KIAA1671: variants seen among roughly 807,000 people sequenced by gnomAD.
KIAA1671 encodes KIAA1671.
KIAA1671 carries 52 observed loss-of-function variants against 131.2 expected under a neutral mutation model. That is an observed-to-expected ratio of 0.40 (90% CI 0.32 to 0.50). The LOEUF is 0.50. KIAA1671 is among the 20% of genes least tolerant of loss of function. The pLI, the probability that KIAA1671 is intolerant of heterozygous loss-of-function variation, is 0.73. For synonymous variants in KIAA1671, 1,003 were observed against 961.6 expected (o/e 1.04, Z -0.80); for missense variants, 2,360 against 2,364.2 (o/e 1.00, Z 0.04).
chr22:25,040,569 A>G lies in KIAA1671; in HGVS notation c.3439A>G (p.Lys1147Glu), dbSNP rs1926860545. The G allele has an allele frequency of 1.3e-6, 2 of 1,551,762 alleles. No homozygotes were observed. Among genetic ancestry groups the G allele is most frequent in the Non-Finnish European group, 1.7e-6 (2 of 1,147,022 alleles). ...EDGPRPQSNW[K>E]ESANKMSPSG... is the part of the protein sequence containing the mutation. Reference sequence around the variant, plus strand: ...TGGCCCTCGTCCTCAAAGCAATTGGAAGGAAAGTGCGAACAAGATGTCCCC... The same window carrying G: ...TGGCCCTCGTCCTCAAAGCAATTGGGAGGAAAGTGCGAACAAGATGTCCCC... The change falls in exon 5 of 13, where the codon AAG (lysine) becomes GAG (glutamate). Residue 1147 changes from lysine (K) to glutamate (E), a missense_variant. By Grantham distance (56) the Lys-to-Glu change is moderately conservative. Coordinates refer to ENST00000358431, the MANE Select transcript of KIAA1671 (RefSeq NM_001145206.2).
At chr22:25,005,999 A>T (rs779894898) in intron 1 of KIAA1671, among the ~76,000 whole-genome samples, 2 of 152,154 alleles carry the variant, frequency 1.3e-5, no homozygotes, top group Non-Finnish European at 2.9e-5. Context: ...ACACCTGTGC[A>T]GCTAGAGCAT....
At chr22:25,033,196 G>C (rs1285364733) in intron 4 of KIAA1671, among the ~76,000 whole-genome samples, 1 of 151,784 alleles carries the variant, frequency 6.6e-6, no homozygotes, top group Non-Finnish European at 1.5e-5. Flanking sequence ...GACCAGCCTG[G>C]GCAACATAGT....
At chr22:25,071,022 T>C (rs1420585938) in intron 6 of KIAA1671, among the ~76,000 whole-genome samples, 1 of 152,212 alleles carries the variant, frequency 6.6e-6, no homozygotes, top group Non-Finnish European at 1.5e-5. Flanking sequence ...CTTTCAGGTC[T>C]CACTTTGACT....
intron 3 of KIAA1671, among the ~76,000 whole-genome samples, chr22:25,031,746 TCTCA>T (rs1181379111): frequency 6.6e-6 from 1 of 152,204 alleles, no homozygotes; most frequent in Non-Finnish European, 1.5e-5. Flanking sequence ...ATATGCTTCC[TCTCA>T]CTATGTCATG....
At chr22:25,175,164 C>G (rs1933978781) in intron 8 of KIAA1671, 1 of 152,256 alleles carries the variant, frequency 6.6e-6, no homozygotes, top group African/African-American at 2.4e-5. Context: ...CCCTGGGAGC[C>G]CCACCTCCAG....
At chr22:25,131,160 G>A (rs1032000163) in intron 6 of KIAA1671, among the ~76,000 whole-genome samples, 1 of 152,154 alleles carries the variant, frequency 6.6e-6, no homozygotes, top group Non-Finnish European at 1.5e-5. Flanking sequence ...TTAGCATTTC[G>A]TATGGTGATT....
intron 12 of KIAA1671, among the ~76,000 whole-genome samples, chr22:25,191,569 T>C (rs1333174579): frequency 2.0e-5 from 3 of 152,348 alleles, no homozygotes; most frequent in Admixed American, 2.0e-4. Flanking sequence ...CTGGTGTAAG[T>C]TGCAAATGAC....
intron 6 of KIAA1671, among the ~76,000 whole-genome samples, chr22:25,137,876 A>G (rs1424870174): frequency 1.3e-5 from 2 of 152,200 alleles, no homozygotes; most frequent in Non-Finnish European, 2.9e-5. Flanking sequence ...AGGTTAAGTG[A>G]CTTAGGCCTA....
chr22:25,039,247 C>T lies in KIAA1671; in HGVS notation c.2117C>T (p.Pro706Leu), dbSNP rs1245998705. The change falls in exon 5 of 13, where the codon CCT (proline) becomes CTT (leucine). Residue 706 changes from proline to leucine, a missense_variant. Transcript: ENST00000358431. ...CACACGCCTCTCCGGGACAAATACCCTTTGTCTGAAAACCACAATAATAAC... is the reference window on the plus strand; with the variant it reads ...CACACGCCTCTCCGGGACAAATACCTTTTGTCTGAAAACCACAATAATAAC... ...PYHTPLRDKYPLSENHNNNTF... is the reference protein window; with the variant it reads ...PYHTPLRDKYLLSENHNNNTF... 3.9e-6 allele frequency: 6 copies of T among 1,552,340 alleles called. No homozygotes were observed. Among genetic ancestry groups the T allele is most frequent in the Non-Finnish European group, 5.2e-6 (6 of 1,147,126 alleles).
intron 1 of KIAA1671, among the ~76,000 whole-genome samples, chr22:24,983,558 A>G (rs540730715): frequency 2.8e-4 from 43 of 151,016 alleles, no homozygotes; most frequent in Non-Finnish European, 5.3e-4. Flanking sequence ...TTCTCCCATT[A>G]CACTGAAGAA....
intron 8 of KIAA1671, 194 bp from the exon 9 acceptor site, chr22:25,177,154 C>T: frequency 1.7e-6 from 1 of 595,510 alleles, no homozygotes; most frequent in Non-Finnish European, 2.9e-6. Flanking sequence ...TGTCATCAGC[C>T]TATGGGGTAT....
At chr22:25,054,813 C>CT (rs1461382347) in intron 6 of KIAA1671, 1 of 149,616 alleles carries the variant, frequency 6.7e-6, no homozygotes, top group Non-Finnish European at 1.5e-5. Context: ...ACCAAAGAGT[C>CT]TGAGTTCTAA....
At chr22:25,021,911 C>T (rs955983754) in intron 1 of KIAA1671, among the ~76,000 whole-genome samples, 6 of 152,088 alleles carry the variant, frequency 3.9e-5, no homozygotes, top group African/African-American at 1.4e-4. Context: ...CTCAGCCTCC[C>T]GAGTAGCTGA....
At chr22:25,140,149 C>T (rs1020872366) in intron 6 of KIAA1671, among the ~76,000 whole-genome samples, 4 of 152,194 alleles carry the variant, frequency 2.6e-5, no homozygotes, top group Non-Finnish European at 4.4e-5. Context: ...GCTGGAGGCT[C>T]GACGGGAGAA....
At position 25,029,085 on chromosome 22, in the gene KIAA1671, G is replaced by A. The variant is rs1362066924; in HGVS notation, c.1086G>A (p.Pro362=). 6 of 1,494,628 alleles carry A rather than the reference G, an allele frequency of 4.0e-6. No homozygotes were observed. The highest frequency in any genetic ancestry group is 2.5e-5 in the East Asian group (1 of 40,506). 92.6% of individuals were successfully genotyped at this position (1,494,628 alleles called of 1,614,324 possible). ...GGAAGGAGAAGATGCTTTCGAAGCC[G>A]GAGATGGGCAGCCCCAGAGCCCTGG... ...RERKEKMLSK[P]EMGSPRALVG... The change falls in exon 3 of 13, where the codon CCG becomes CCA. Residue 362 remains proline, a synonymous_variant. Coordinates refer to ENST00000358431, the MANE Select transcript of KIAA1671 (RefSeq NM_001145206.2).
At chr22:25,006,401 A>G (rs1287580381) in intron 1 of KIAA1671, among the ~76,000 whole-genome samples, 2 of 152,078 alleles carry the variant, frequency 1.3e-5, no homozygotes, top group African/African-American at 4.8e-5. Context: ...ACCAGGACCT[A>G]CCTCCCAGGA....
Position 25,040,305 on chromosome 22 carries a change from A to C in KIAA1671, c.3175A>C (p.Thr1059Pro), listed in dbSNP as rs868783952. 34 of 1,551,136 alleles carry C rather than the reference A, an allele frequency of 2.2e-5. No homozygotes were observed. The African/African-American group carries it at 4.5e-4, about 21-fold the overall frequency. Reference sequence around the variant, plus strand: ...CTTGCTGGAACATTCTAGAAAAATCACTCCACCCTCGTCTCCTCATTCTTT... The same window carrying C: ...CTTGCTGGAACATTCTAGAAAAATCCCTCCACCCTCGTCTCCTCATTCTTT... ...ESLLEHSRKI[T>P]PPSSPHSLTS... The change falls in exon 5 of 13, where the codon ACT becomes CCT. Residue 1059 changes from threonine to proline, a missense_variant. By Grantham distance (38) the Thr-to-Pro change is conservative. Around this residue, in one of 3 missense-constraint regions of KIAA1671, gnomAD observed 1,161 missense variants for 1,204.7 expected, o/e 0.96. Transcript: ENST00000358431.
chr22:25,038,707 A>G, intron 4 of KIAA1671, 53 bp from the exon 5 acceptor site: 1 of 1,468,740 alleles, frequency 6.8e-7, no homozygotes. Context: ...TTTCCTTTCC[A>G]TCTCAAATCC....
chr22:25,113,570 T>C (rs941839187), intron 6 of KIAA1671, among the ~76,000 whole-genome samples: 1 of 152,194 alleles, frequency 6.6e-6, no homozygotes, highest in African/African-American at 2.4e-5. Context: ...ACAGCTGCCC[T>C]GCCAGGTGCA....
Sources: allele counts gnomAD v4.1 joint callset (sites outside exome capture counted in the v4.1 genomes callset), GRCh38; gene constraint gnomAD v4.1.1; regional missense constraint gnomAD v4.1.1; transcripts MANE v1.5; gene names NCBI Gene and HGNC (gene_info 2026-07-23, HGNC 2026-07-21).